Variants in ADGRV1 observed in about 807,000 individuals in gnomAD.
ADGRV1 encodes G-protein coupled receptor 98.
ADGRV1 carries 359 observed loss-of-function variants against 596.2 expected under a neutral mutation model. The observed-to-expected ratio is 0.60, with a 90% CI of 0.55 to 0.66. The LOEUF is 0.66. Ranked by LOEUF, ADGRV1 falls within the 30% of genes least tolerant of loss-of-function variation. The pLI is 0.00. For synonymous variants in ADGRV1, 2,681 were observed against 2,679.2 expected (o/e 1.00, Z -0.02); for missense variants, 7,274 against 7,575.6 (o/e 0.96, Z 1.48).
At chr5:90,696,806 G>A (rs1188197751) in intron 33 of ADGRV1, 131 bp from the exon 34 acceptor site, 3 of 531,390 alleles carry the variant, frequency 5.6e-6, no homozygotes, top group Non-Finnish European at 9.8e-6. Context: ...TGTTGCCCAT[G>A]ATATGGAACT....
intron 23 of ADGRV1, chr5:90,674,731 C>A (rs978906683): frequency 2.0e-5 from 3 of 153,380 alleles, no homozygotes; most frequent in African/African-American, 7.2e-5. Context: ...AATAATATTT[C>A]TTCTATGGGA....
intron 10 of ADGRV1, 108 bp from the exon 11 acceptor site, chr5:90,637,617 A>G (rs909021616): frequency 2.4e-5 from 16 of 677,380 alleles, no homozygotes; most frequent in Non-Finnish European, 3.7e-5. Flanking sequence ...TATAGAATAC[A>G]TATGTTCACA....
chr5:90,693,882 C>A lies in ADGRV1; in HGVS notation c.7134-8C>A. 6.5e-7 allele frequency: 1 copy of A among 1,527,970 alleles called. No individual in the cohort carries two copies. 94.7% of individuals were successfully genotyped at this position (1,527,970 alleles called of 1,614,324 possible). A position where few individuals can be genotyped will look rare whatever the true frequency, so the allele number is the denominator to read the frequency against. ...AACCTGTCTTTTAATTGTCACTCCA[C>A]ATTTTAGCGGAGGGCACTTTGGTCG... On this transcript the variant is annotated splice_polypyrimidine_tract_variant and splice_region_variant and intron_variant, in intron 32 of 89. Transcript: ENST00000405460.
chr5:90,886,463 A>T (rs780888400), intron 83 of ADGRV1, among the ~76,000 whole-genome samples: 7 of 152,154 alleles, frequency 4.6e-5, no homozygotes, highest in Non-Finnish European at 8.8e-5. Flanking sequence ...CCCCAAACAT[A>T]CTGAATCAGA....
intron 1 of ADGRV1, among the ~76,000 whole-genome samples, chr5:90,564,469 C>T (rs1169020668): frequency 3.9e-5 from 6 of 152,078 alleles, no homozygotes; most frequent in Non-Finnish European, 2.9e-5. Context: ...GTCCCAGACA[C>T]GTATTAGATT....
intron 1 of ADGRV1, among the ~76,000 whole-genome samples, chr5:90,613,124 T>C (rs572951736): frequency 6.6e-6 from 1 of 152,122 alleles, no homozygotes; most frequent in Non-Finnish European, 1.5e-5. Flanking sequence ...TGTCTCACAT[T>C]GCACTTCAGA....
At chr5:90,657,024 A>T (rs2149477215) in intron 20 of ADGRV1, among the ~76,000 whole-genome samples, 1 of 152,160 alleles carries the variant, frequency 6.6e-6, no homozygotes, top group East Asian at 1.9e-4. Context: ...GCCTGTAGAA[A>T]TACTTCTTAT....
chr5:90,876,613 T>C (rs1769243933), intron 83 of ADGRV1, among the ~76,000 whole-genome samples: 1 of 152,180 alleles, frequency 6.6e-6, no homozygotes, highest in South Asian at 2.1e-4. Context: ...CACTCTAAGA[T>C]TAGGAATTGC....
intron 83 of ADGRV1, among the ~76,000 whole-genome samples, chr5:90,883,609 A>G (rs1333493216): frequency 6.6e-6 from 1 of 152,044 alleles, no homozygotes; most frequent in African/African-American, 2.4e-5. Context: ...ATGTATTTGC[A>G]TATGTGCAGA....
intron 83 of ADGRV1, among the ~76,000 whole-genome samples, chr5:90,924,478 G>T (rs1293152890): frequency 3.6e-4 from 52 of 145,958 alleles, no homozygotes; most frequent in African/African-American, 1.1e-3. Flanking sequence ...TGAGGGGGTT[G>T]TTTTTTTTTT....
At chr5:90,846,950 C>T (rs1048509914) in intron 78 of ADGRV1, among the ~76,000 whole-genome samples, 1 of 152,164 alleles carries the variant, frequency 6.6e-6, no homozygotes, top group Middle Eastern at 3.2e-3. Flanking sequence ...TCCATGTCCC[C>T]ACTAGATTAG....
intron 1 of ADGRV1, among the ~76,000 whole-genome samples, chr5:90,587,648 C>G (rs1451190707): frequency 6.6e-6 from 1 of 151,398 alleles, no homozygotes; most frequent in Non-Finnish European, 1.5e-5. Flanking sequence ...CCTCTGCCTC[C>G]CAGGTTCAAG....
At chr5:91,128,417 T>A (rs181777932) in intron 87 of ADGRV1, among the ~76,000 whole-genome samples, 200 of 152,210 alleles carry the variant, frequency 1.3e-3, no homozygotes, top group African/African-American at 4.5e-3. Context: ...GTAATTATTT[T>A]TGTCTTTCCC....
At chr5:90,759,240 A>T (rs891685867) in intron 57 of ADGRV1, among the ~76,000 whole-genome samples, 169 bp from the exon 58 acceptor site, 1 of 152,244 alleles carries the variant, frequency 6.6e-6, no homozygotes. Context: ...CAAATATAAT[A>T]CGCAAAAAGA....
At chr5:90,889,277 GAA>G (rs1271333512) in intron 83 of ADGRV1, among the ~76,000 whole-genome samples, 1 of 152,064 alleles carries the variant, frequency 6.6e-6, no homozygotes, top group Admixed American at 6.6e-5. Context: ...TGTCTTCTCT[GAA>G]AAGAGACCTT....
intron 83 of ADGRV1, among the ~76,000 whole-genome samples, chr5:90,959,950 T>G (rs376838701): frequency 1.3e-4 from 20 of 151,998 alleles, no homozygotes; most frequent in East Asian, 1.2e-3. Flanking sequence ...CCATCCTGGC[T>G]AACACGGTGA....
chr5:90,612,272 G>C (rs569143264), intron 1 of ADGRV1, among the ~76,000 whole-genome samples: 10 of 152,134 alleles, frequency 6.6e-5, no homozygotes, highest in Admixed American at 4.6e-4. Context: ...TAAATGTAAT[G>C]TTTATTAGAG....
At chr5:90,659,241 T>C (rs1415498854) in intron 21 of ADGRV1, among the ~76,000 whole-genome samples, 4 of 152,170 alleles carry the variant, frequency 2.6e-5, no homozygotes, top group Non-Finnish European at 2.9e-5. Context: ...AAAAGAAAGA[T>C]GTTTACATAT....
chr5:90,567,169 T>C (rs1481636633), intron 1 of ADGRV1, among the ~76,000 whole-genome samples: 1 of 152,170 alleles, frequency 6.6e-6, no homozygotes, highest in Non-Finnish European at 1.5e-5. Flanking sequence ...ATATAGTGTA[T>C]CATTTGTTTT....
Sources: allele counts gnomAD v4.1 joint callset (sites outside exome capture counted in the v4.1 genomes callset), GRCh38; gene constraint gnomAD v4.1.1; transcripts MANE v1.5; gene names NCBI Gene and HGNC (gene_info 2026-07-23, HGNC 2026-07-21).